ADGRV1: variants seen among roughly 807,000 people sequenced by gnomAD.
The protein encoded by ADGRV1 is G-protein coupled receptor 98.
ADGRV1 carries 359 observed loss-of-function variants against 596.2 expected under a neutral mutation model. That is an observed-to-expected ratio of 0.60 (90% CI 0.55 to 0.66). The LOEUF (loss-of-function observed/expected upper bound fraction) is 0.66, where lower values mean the gene tolerates loss of function less well. ADGRV1 is among the 30% of genes least tolerant of loss of function. The probability of loss-of-function intolerance (pLI) is 0.00; values close to 1 mark genes in which losing one functional copy is unlikely to be tolerated. For missense variants in ADGRV1, 7,274 were observed against 7,575.6 expected (o/e 0.96, Z 1.48); for synonymous variants, 2,681 against 2,679.2 (o/e 1.00, Z -0.02).
intron 83 of ADGRV1, among the ~76,000 whole-genome samples, chr5:90,901,695 T>G (rs1050130420): frequency 2.0e-5 from 3 of 152,138 alleles, no homozygotes; most frequent in Non-Finnish European, 4.4e-5. Context: ...ATGTATTTAT[T>G]AAAGTATAAA....
chr5:90,798,951 C>T (rs1408647875), intron 70 of ADGRV1, among the ~76,000 whole-genome samples: 1 of 152,146 alleles, frequency 6.6e-6, no homozygotes, highest in Non-Finnish European at 1.5e-5. Context: ...CTATTTATGA[C>T]AAACCCACAA....
Position 90,810,283 on chromosome 5 carries a change from C to T in ADGRV1, c.15023C>T (p.Ser5008Phe). The T allele has an allele frequency of 6.3e-7, 1 of 1,597,586 alleles. No individual in the cohort carries two copies. Among genetic ancestry groups the T allele is most frequent in the Non-Finnish European group, 8.5e-7 (1 of 1,171,190 alleles). The change falls in exon 74 of 90, where the codon TCC becomes TTC. Residue 5008 changes from serine to phenylalanine, a missense_variant. This residue lies in a region of ADGRV1 where 1,874 missense variants were observed against 1,970.2 expected (regional missense o/e 0.95). Coordinates refer to ENST00000405460, the MANE Select transcript of ADGRV1 (RefSeq NM_032119.4). The part of the protein sequence containing the change: ...EIEPMGVFQF[S>F]TSSRNIIVSE... Reference sequence around the variant, plus strand: ...GAACCAATGGGCGTCTTCCAATTTTCCACTAGCTCAAGAAATATCATAGTG... The same window carrying T: ...GAACCAATGGGCGTCTTCCAATTTTTCACTAGCTCAAGAAATATCATAGTG...
chr5:90,744,908 T>C, intron 50 of ADGRV1, 138 bp from the exon 51 acceptor site: 1 of 637,958 alleles, frequency 1.6e-6, no homozygotes, highest in South Asian at 2.3e-5. Flanking sequence ...ATTTCAGAAA[T>C]TGAAGTATAT....
chr5:91,149,088 G>C (rs1795800821), intron 87 of ADGRV1, among the ~76,000 whole-genome samples: 1 of 152,184 alleles, frequency 6.6e-6, no homozygotes, highest in Non-Finnish European at 1.5e-5. Context: ...AGAGGTGGAA[G>C]GGACTTGCCT....
At position 90,776,452 on chromosome 5, in the gene ADGRV1, G is replaced by A; in HGVS notation, c.12404-1G>A. ...AGTGGTCTATATCATCTTGAATTTA[G>A]GTAGTGCATCAATAATTATTCGGGG... On this transcript the variant is annotated splice_acceptor_variant, in intron 60 of 89. Coordinates refer to ENST00000405460, the MANE Select transcript of ADGRV1 (RefSeq NM_032119.4). LOFTEE classifies it high-confidence loss of function. 1.2e-6 allele frequency: 2 copies of A among 1,609,560 alleles called. No individual in the cohort carries two copies. Among genetic ancestry groups the A allele is most frequent in the South Asian group, 1.1e-5 (1 of 90,586 alleles).
intron 14 of ADGRV1, among the ~76,000 whole-genome samples, chr5:90,644,248 A>C (rs1284961430): frequency 6.6e-6 from 1 of 152,222 alleles, no homozygotes; most frequent in Non-Finnish European, 1.5e-5. Flanking sequence ...GAATGAGTCC[A>C]TCCAAATAGC....
At chr5:90,626,442 A>G (rs1246130132) in intron 6 of ADGRV1, 3 of 152,286 alleles carry the variant, frequency 2.0e-5, no homozygotes, top group Middle Eastern at 3.4e-3. Context: ...TATTTTTAAG[A>G]TAAATAGCTT....
At chr5:91,103,602 G>A (rs891320733) in intron 87 of ADGRV1, among the ~76,000 whole-genome samples, 6 of 151,830 alleles carry the variant, frequency 4.0e-5, no homozygotes, top group African/African-American at 1.5e-4. Flanking sequence ...GACACACAGT[G>A]TTATATGAAA....
chr5:90,725,293 A>G (rs1352302419), intron 47 of ADGRV1, 61 bp downstream of exon 47: 3 of 1,063,686 alleles, frequency 2.8e-6, no homozygotes, highest in Non-Finnish European at 3.9e-6. Flanking sequence ...GATTTGTAAG[A>G]TTGTTCAAAT....
At chr5:90,716,849 G>A in intron 43 of ADGRV1, 120 bp downstream of exon 43, 3 of 694,586 alleles carry the variant, frequency 4.3e-6, no homozygotes, top group Admixed American at 2.8e-5. Flanking sequence ...TTAGGTGTTA[G>A]ACAAAGACAT....
chr5:91,038,370 T>G (rs1785074411), intron 85 of ADGRV1, among the ~76,000 whole-genome samples: 1 of 152,112 alleles, frequency 6.6e-6, no homozygotes, highest in Non-Finnish European at 1.5e-5. Flanking sequence ...GCCCCTCCAT[T>G]GTTGTATGAG....
rs372556147 is a variant in ADGRV1 at position 90,753,501 on chromosome 5, C to A, written c.11122-73C>A. 1.9e-3 allele frequency: 2,147 copies of A among 1,127,286 alleles called. 48 individuals are homozygous for A. The South Asian group carries it at 0.032, about 17-fold the overall frequency. 69.8% of individuals were successfully genotyped at this position (1,127,286 alleles called of 1,614,324 possible). A position where few individuals can be genotyped will look rare whatever the true frequency, so the allele number is the denominator to read the frequency against. On this transcript the variant is annotated intron_variant, in intron 53 of 89. Coordinates refer to ENST00000405460, the MANE Select transcript of ADGRV1 (RefSeq NM_032119.4). ...AGTTATAGGTTTAATAAAAGAAAAT[C>A]AATTTTTAAAATATTCTTACTACAT...
chr5:90,622,030 C>G (rs1764148996), intron 4 of ADGRV1, among the ~76,000 whole-genome samples: 1 of 152,176 alleles, frequency 6.6e-6, no homozygotes, highest in Admixed American at 6.5e-5. Flanking sequence ...CCTGTATGTA[C>G]TTGGCTGTGT....
At chr5:90,976,601 C>T (rs1203978511) in intron 84 of ADGRV1, among the ~76,000 whole-genome samples, 6 of 151,948 alleles carry the variant, frequency 3.9e-5, no homozygotes, top group Non-Finnish European at 8.8e-5. Flanking sequence ...CTATTCATGT[C>T]TACATGAAAC....
intron 83 of ADGRV1, among the ~76,000 whole-genome samples, chr5:90,895,868 C>T (rs1228925709): frequency 6.6e-6 from 1 of 152,148 alleles, no homozygotes; most frequent in Non-Finnish European, 1.5e-5. Flanking sequence ...GTATAGTCTT[C>T]ATAACTTTGC....
intron 1 of ADGRV1, among the ~76,000 whole-genome samples, chr5:90,566,210 T>G (rs534065241): frequency 3.2e-4 from 48 of 152,202 alleles, no homozygotes; most frequent in Non-Finnish European, 6.2e-4. Context: ...GCTTATACTT[T>G]TGGTGTCACA....
chr5:91,048,976 G>A (rs1053696604), intron 85 of ADGRV1, among the ~76,000 whole-genome samples: 1 of 151,834 alleles, frequency 6.6e-6, no homozygotes, highest in African/African-American at 2.4e-5. Context: ...GATGGTGACC[G>A]GATTATAACC....
chr5:90,657,552 G>A (rs755487942), intron 20 of ADGRV1, among the ~76,000 whole-genome samples: 9 of 152,050 alleles, frequency 5.9e-5, no homozygotes, highest in African/African-American at 1.9e-4. Context: ...ATCCAAATAC[G>A]TGCACATACA....
At chr5:91,049,376 A>C (rs2151301875) in intron 85 of ADGRV1, among the ~76,000 whole-genome samples, 1 of 152,308 alleles carries the variant, frequency 6.6e-6, no homozygotes, top group Non-Finnish European at 1.5e-5. Flanking sequence ...CATTCTTTTG[A>C]AATAGTTAAG....
Sources: allele counts gnomAD v4.1 joint callset (sites outside exome capture counted in the v4.1 genomes callset), GRCh38; gene constraint gnomAD v4.1.1; regional missense constraint gnomAD v4.1.1; transcripts MANE v1.5; gene names NCBI Gene and HGNC (gene_info 2026-07-23, HGNC 2026-07-21).